The following MTURN variants were observed in gnomAD, a reference collection of about 807,000 sequenced individuals.
The protein encoded by MTURN is maturin, neural progenitor differentiation regulator homolog.
MTURN carries 7 observed loss-of-function variants against 14.9 expected under a neutral mutation model. The ratio of observed to expected loss-of-function variants is 0.47; its 90% CI spans 0.27 to 0.88. The LOEUF is 0.88. Ranked by LOEUF, MTURN falls within the 40% of genes least tolerant of loss-of-function variation. The pLI, the probability that MTURN is intolerant of heterozygous loss-of-function variation, is 0.14. For synonymous variants in MTURN, 69 were observed against 72.5 expected (o/e 0.95, Z 0.25); for missense variants, 151 against 174.1 (o/e 0.87, Z 0.75).
intron 1 of MTURN, among the ~76,000 whole-genome samples, chr7:30,135,755 G>A (rs1316344065): frequency 6.6e-6 from 1 of 152,314 alleles, no homozygotes; most frequent in African/African-American, 2.4e-5. Context: ...CGTCCCGTCC[G>A]GGATAGGAAT....
At chr7:30,155,148 A>G (rs1357572097) in intron 2 of MTURN, among the ~76,000 whole-genome samples, 1 of 152,156 alleles carries the variant, frequency 6.6e-6, no homozygotes, top group Non-Finnish European at 1.5e-5. Flanking sequence ...AGTTGACCAC[A>G]GTGTTTTCCA....
intron 1 of MTURN, chr7:30,145,912 C>T: frequency 6.4e-7 from 1 of 1,551,690 alleles, no homozygotes; most frequent in African/African-American, 1.4e-5. Flanking sequence ...CACCCACTGC[C>T]CTCTTTACTG....
intron 1 of MTURN, among the ~76,000 whole-genome samples, chr7:30,136,731 G>C (rs985407725): frequency 2.0e-5 from 3 of 152,218 alleles, no homozygotes; most frequent in African/African-American, 7.2e-5. Context: ...GTGACAGCCA[G>C]ATTTGAGTTC....
rs1026632901 is a variant in MTURN at position 30,157,648 on chromosome 7, G to C, written c.*100G>C. The C allele has an allele frequency of 8.4e-6, 6 of 713,636 alleles. No individual in the cohort carries two copies. In the Admixed American group the frequency reaches 1.9e-4, roughly 22 times the overall value. 44.2% of individuals were successfully genotyped at this position (713,636 alleles called of 1,614,324 possible). ...CATTTTGCATTAGCACTTCGAAATA[G>C]GACATCTGGCTCCCAGCATCCAAAT... is the stretch of plus-strand genomic sequence containing the variant. On this transcript the variant is annotated 3_prime_UTR_variant, in exon 3 of 3. Coordinates refer to ENST00000324453, the MANE Select transcript of MTURN (RefSeq NM_152793.3).
At chr7:30,137,497 AT>A (rs1796982701) in intron 1 of MTURN, 1 of 423,154 alleles carries the variant, frequency 2.4e-6, no homozygotes, top group African/African-American at 2.1e-5. Context: ...ATATTTTCCC[AT>A]CTGCATGAGA....
At chr7:30,139,885 C>T (rs1386534980) in intron 1 of MTURN, among the ~76,000 whole-genome samples, 1 of 152,202 alleles carries the variant, frequency 6.6e-6, no homozygotes, top group Non-Finnish European at 1.5e-5. Context: ...TGAAACAAAG[C>T]TGCTAGTGCC....
intron 2 of MTURN, among the ~76,000 whole-genome samples, chr7:30,153,546 T>G (rs1314516715): frequency 6.6e-6 from 1 of 152,122 alleles, no homozygotes. Flanking sequence ...GAATCCTGGC[T>G]CTGCCACTTA....
intron 1 of MTURN, among the ~76,000 whole-genome samples, chr7:30,136,294 G>T (rs1796959904): frequency 6.6e-6 from 1 of 152,246 alleles, no homozygotes; most frequent in South Asian, 2.1e-4. Flanking sequence ...GGATGCGGAG[G>T]GCAGGGGAGT....
At chr7:30,142,406 G>C (rs1484334068) in intron 1 of MTURN, among the ~76,000 whole-genome samples, 1 of 152,110 alleles carries the variant, frequency 6.6e-6, no homozygotes, top group African/African-American at 2.4e-5. Flanking sequence ...AATTGCTGTA[G>C]TTCTCCCGGA....
At chr7:30,146,442 C>A in intron 2 of MTURN, 143 bp downstream of exon 2, 4 of 1,205,224 alleles carry the variant, frequency 3.3e-6, no homozygotes, top group East Asian at 2.5e-5. Context: ...GAGATAGCAG[C>A]CAGTATAGGG....
At chr7:30,143,483 T>G (rs185920835) in intron 1 of MTURN, among the ~76,000 whole-genome samples, 1 of 151,958 alleles carries the variant, frequency 6.6e-6, no homozygotes, top group African/African-American at 2.4e-5. Flanking sequence ...CTCCTTGTTA[T>G]GAGATACAAT....
At chr7:30,157,073 GA>G (rs1377933659) in intron 2 of MTURN, among the ~76,000 whole-genome samples, 1 of 152,084 alleles carries the variant, frequency 6.6e-6, no homozygotes, top group Non-Finnish European at 1.5e-5. Flanking sequence ...AGAAAATACA[GA>G]ATCAGTTTTT....
chr7:30,152,542 A>G (rs913565834), intron 2 of MTURN, among the ~76,000 whole-genome samples: 1 of 152,152 alleles, frequency 6.6e-6, no homozygotes, highest in Non-Finnish European at 1.5e-5. Flanking sequence ...ACACCTACAC[A>G]TAGTGAAGGA....
At chr7:30,137,237 C>T in intron 1 of MTURN, 1 of 165,084 alleles carries the variant, frequency 6.1e-6, no homozygotes, top group Non-Finnish European at 1.3e-5. Context: ...GCCCTTTCTC[C>T]CTCCTGACCG....
chr7:30,145,962 A>G (rs1287504111), intron 1 of MTURN: 5 of 1,551,626 alleles, frequency 3.2e-6, no homozygotes, highest in Middle Eastern at 1.7e-4. Flanking sequence ...CAGGTGAGGT[A>G]TGGACCAAAA....
Position 30,136,829 on chromosome 7 carries a change from TC to T in MTURN, c.162+1532del, listed in dbSNP as rs1181814833. On this transcript the variant is annotated intron_variant, in intron 1 of 2. Coordinates refer to ENST00000324453, the MANE Select transcript of MTURN (RefSeq NM_152793.3). ...TATAATAATGCCAGCACCCAGGCGT[TC>T]ATATAGGTAACGCACCGAATAGTCC... Among the ~76,000 whole-genome samples, 5 of 152,266 alleles carry T rather than the reference TC, an allele frequency of 3.3e-5. No individual in the cohort carries two copies. In the East Asian group the frequency reaches 9.6e-4, roughly 29 times the overall value.
Position 30,161,983 on chromosome 7 carries a change from T to A in MTURN, c.*4435T>A, listed in dbSNP as rs1797380888. 1 of 151,796 alleles carries A rather than the reference T, an allele frequency of 6.6e-6. No homozygotes were observed. The highest frequency in any genetic ancestry group is 1.5e-5 in the Non-Finnish European group (1 of 67,968). 9.4% of individuals were successfully genotyped at this position (151,796 alleles called of 1,614,324 possible). ...ATAGCTTCTGCTCACTGGGCAAATA[T>A]AAAAGACAACATATTATTTAACATA... On this transcript the variant is annotated 3_prime_UTR_variant, in exon 3 of 3. Coordinates refer to ENST00000324453, the MANE Select transcript of MTURN (RefSeq NM_152793.3).
chr7:30,157,514 C>T lies in MTURN; in HGVS notation c.362C>T (p.Ala121Val), dbSNP rs969217261. The change falls in exon 3 of 3, where the codon GCG becomes GTG. Residue 121 changes from alanine to valine, a missense_variant. Transcript: ENST00000324453. Reference sequence around the variant, plus strand: ...GACGTGGAAGAAGAGGAGCCAGAGGCGGACCACCCCCAGATGGGGGTCAGC... The same window carrying T: ...GACGTGGAAGAAGAGGAGCCAGAGGTGGACCACCCCCAGATGGGGGTCAGC... ...SADVEEEEPE[A>V]DHPQMGVSQQ 1.7e-5 allele frequency: 27 copies of T among 1,604,010 alleles called. No individual in the cohort carries two copies. The highest frequency in any genetic ancestry group is 2.7e-5 in the African/African-American group (2 of 74,220).
chr7:30,155,392 C>G (rs1266022051), intron 2 of MTURN, among the ~76,000 whole-genome samples: 1 of 152,208 alleles, frequency 6.6e-6, no homozygotes, highest in East Asian at 1.9e-4. Flanking sequence ...CATCGAGCAG[C>G]TCTCCAAATA....
Sources: gnomAD v4.1 joint callset for allele counts (sites outside exome capture counted in the v4.1 genomes callset) on GRCh38, gnomAD v4.1.1 for gene constraint, MANE v1.5 for transcripts, NCBI Gene and HGNC (gene_info 2026-07-23, HGNC 2026-07-21) for gene names.